JARID2: variants seen among roughly 807,000 people sequenced by gnomAD.
The protein encoded by JARID2 is jumonji and AT-rich interaction domain containing 2.
Under a neutral mutation model 125.6 loss-of-function variants are expected in JARID2, and 21 were observed. The observed-to-expected ratio is 0.17, with a 90% CI of 0.12 to 0.24. The LOEUF is 0.24. JARID2 is among the 10% of genes least tolerant of loss of function. JARID2 has a pLI of 1.00. For synonymous variants in JARID2, 736 were observed against 661.6 expected, an observed-to-expected ratio of 1.11 and a Z score of -1.73; for missense variants, 1,303 against 1,639.6, an observed-to-expected ratio of 0.79 and a Z score of 3.55.
chr6:15,433,998 G>A (rs370748707), intron 3 of JARID2, among the ~76,000 whole-genome samples: 1 of 150,468 alleles, frequency 6.6e-6, no homozygotes, highest in South Asian at 2.1e-4. Flanking sequence ...TTGAGAATAT[G>A]TATGTGCCAG....
At chr6:15,511,198 C>CCCAT (rs55742636) in intron 12 of JARID2, 98 bp from the exon 13 acceptor site, 614,906 of 817,036 alleles carry the variant, frequency 0.75, 233,489 homozygotes, top group Non-Finnish European at 0.78. Flanking sequence ...CAGAGCCTCT[C>CCCAT]GTGTGCTCGG....
chr6:15,438,610 C>A (rs1767313525), intron 3 of JARID2, among the ~76,000 whole-genome samples: 1 of 152,198 alleles, frequency 6.6e-6, no homozygotes, highest in South Asian at 2.1e-4. Context: ...CTTTAAAGAT[C>A]CTTTAGGCAA....
At chr6:15,297,245 G>C (rs531124703) in intron 1 of JARID2, among the ~76,000 whole-genome samples, 1 of 152,228 alleles carries the variant, frequency 6.6e-6, no homozygotes, top group Non-Finnish European at 1.5e-5. Flanking sequence ...CCACCTCCTG[G>C]GTTCGAGCAG....
At chr6:15,470,459 C>T (rs934722846) in intron 5 of JARID2, among the ~76,000 whole-genome samples, 3 of 152,226 alleles carry the variant, frequency 2.0e-5, no homozygotes, top group Non-Finnish European at 4.4e-5. Flanking sequence ...AATAGAGGCT[C>T]AGGACAAGCA....
intron 1 of JARID2, among the ~76,000 whole-genome samples, chr6:15,263,819 C>T (rs949941137): frequency 6.6e-6 from 1 of 152,168 alleles, no homozygotes; most frequent in African/African-American, 2.4e-5. Context: ...TCTCAAACTC[C>T]TGACCTCAGG....
intron 2 of JARID2, among the ~76,000 whole-genome samples, chr6:15,383,336 T>C (rs1764663197): frequency 6.6e-6 from 1 of 151,462 alleles, no homozygotes. Context: ...AAGCTCTTTC[T>C]ATAAGGGTCT....
At chr6:15,353,977 C>G (rs1399389871) in intron 1 of JARID2, among the ~76,000 whole-genome samples, 1 of 152,212 alleles carries the variant, frequency 6.6e-6, no homozygotes. Context: ...ACAGTCCCCT[C>G]TGTGCCAGCA....
chr6:15,407,637 T>G (rs1765704624), intron 2 of JARID2, among the ~76,000 whole-genome samples: 1 of 152,224 alleles, frequency 6.6e-6, no homozygotes, highest in Non-Finnish European at 1.5e-5. Context: ...TCTTCCTCCT[T>G]GTCCTCTTCG....
At chr6:15,417,242 C>G (rs1435030159) in intron 3 of JARID2, among the ~76,000 whole-genome samples, 1 of 152,094 alleles carries the variant, frequency 6.6e-6, no homozygotes, top group East Asian at 1.9e-4. Flanking sequence ...AGAGTATAGA[C>G]TGGGGCCAGG....
intron 1 of JARID2, among the ~76,000 whole-genome samples, chr6:15,358,936 A>G (rs774749091): frequency 3.9e-5 from 6 of 152,226 alleles, no homozygotes; most frequent in Admixed American, 6.5e-5. Flanking sequence ...AGTTAAGTCA[A>G]TGTGAGGGTG....
intron 1 of JARID2, among the ~76,000 whole-genome samples, chr6:15,250,490 C>T (rs1759403207): frequency 1.3e-5 from 2 of 152,136 alleles, no homozygotes; most frequent in Admixed American, 1.3e-4. Flanking sequence ...AAATCTTGCT[C>T]TGTGTTACTT....
intron 1 of JARID2, among the ~76,000 whole-genome samples, chr6:15,258,908 T>C (rs1005850209): frequency 1.3e-5 from 2 of 152,254 alleles, no homozygotes; most frequent in African/African-American, 4.8e-5. Context: ...CTGGGTCATC[T>C]GTGCTGATTA....
intron 1 of JARID2, among the ~76,000 whole-genome samples, chr6:15,251,805 C>G (rs1228651345): frequency 6.6e-6 from 1 of 152,068 alleles, no homozygotes; most frequent in Non-Finnish European, 1.5e-5. Flanking sequence ...TGGTGAAACC[C>G]CGTCTCTACT....
Position 15,315,923 on chromosome 6 carries a change from A to T in JARID2, c.46-58194A>T, listed in dbSNP as rs184829693. On this transcript the variant is annotated intron_variant, in intron 1 of 17. Coordinates refer to ENST00000341776, the MANE Select transcript of JARID2 (RefSeq NM_004973.4). ...GGAAGAAGTAAGTGATGACTTCCAA[A>T]TTCTTTGTCTTCAGATTGATTTAAA... 3.8e-3 allele frequency among the ~76,000 whole-genome samples: 579 copies of T among 152,302 alleles called. 2 individuals carry two copies. The highest frequency in any genetic ancestry group is 0.024 in the Middle Eastern group (7 of 294).
chr6:15,297,057 A>G (rs1447052550), intron 1 of JARID2, among the ~76,000 whole-genome samples: 2 of 152,208 alleles, frequency 1.3e-5, no homozygotes, highest in Admixed American at 6.5e-5. Flanking sequence ...CTTGTCATCT[A>G]AAACATCTCC....
intron 3 of JARID2, among the ~76,000 whole-genome samples, chr6:15,440,852 C>T (rs1271733923): frequency 6.6e-6 from 1 of 152,120 alleles, no homozygotes; most frequent in Non-Finnish European, 1.5e-5. Flanking sequence ...GATTGTGTTT[C>T]CTTATCTTAG....
chr6:15,363,495 C>G (rs1313368902), intron 1 of JARID2, among the ~76,000 whole-genome samples: 1 of 152,218 alleles, frequency 6.6e-6, no homozygotes, highest in Non-Finnish European at 1.5e-5. Flanking sequence ...ACCTCTCACT[C>G]TTTCCACCTG....
intron 4 of JARID2, among the ~76,000 whole-genome samples, chr6:15,464,456 G>T (rs1768610506): frequency 6.6e-6 from 1 of 152,190 alleles, no homozygotes; most frequent in African/African-American, 2.4e-5. Flanking sequence ...GATGCCAGTT[G>T]TTCATGAGTG....
At chr6:15,376,046 A>C (rs1474648069) in intron 2 of JARID2, among the ~76,000 whole-genome samples, 1 of 152,212 alleles carries the variant, frequency 6.6e-6, no homozygotes, top group Non-Finnish European at 1.5e-5. Context: ...AGTTGGCCAA[A>C]TGTAGGTTTA....
Sources: allele counts gnomAD v4.1 joint callset (sites outside exome capture counted in the v4.1 genomes callset), GRCh38; gene constraint gnomAD v4.1.1; transcripts MANE v1.5; gene names NCBI Gene and HGNC (gene_info 2026-07-23, HGNC 2026-07-21).